Variants in HPCAL1 observed in about 807,000 individuals in gnomAD.
The protein encoded by HPCAL1 is hippocalcin like 1.
In HPCAL1, 8 loss-of-function variants were observed where a neutral mutation model predicts 17.1. The ratio of observed to expected loss-of-function variants is 0.47; its 90% CI spans 0.27 to 0.84. The LOEUF (loss-of-function observed/expected upper bound fraction) is 0.84, where lower values mean the gene tolerates loss of function less well. Ranked by LOEUF, HPCAL1 falls within the 40% of genes least tolerant of loss-of-function variation. The probability of loss-of-function intolerance (pLI) is 0.13; values close to 1 mark genes in which losing one functional copy is unlikely to be tolerated. For synonymous variants in HPCAL1, 112 were observed against 111.4 expected (o/e 1.01, Z -0.03); for missense variants, 165 against 271.1 (o/e 0.61, Z 2.75).
chr2:10,387,606 G>A (rs1022831123), intron 1 of HPCAL1, among the ~76,000 whole-genome samples: 1 of 152,186 alleles, frequency 6.6e-6, no homozygotes, highest in Non-Finnish European at 1.5e-5. Context: ...GTATCATTAC[G>A]AACACAACTT....
intron 3 of HPCAL1, among the ~76,000 whole-genome samples, chr2:10,422,190 G>A (rs936082540): frequency 1.2e-4 from 18 of 152,184 alleles, no homozygotes; most frequent in Admixed American, 4.6e-4. Flanking sequence ...TGGCTCCCTG[G>A]CCGGCTGGGT....
intron 2 of HPCAL1, among the ~76,000 whole-genome samples, chr2:10,409,826 G>A (rs532187760): frequency 4.4e-5 from 5 of 112,578 alleles, no homozygotes; most frequent in Admixed American, 4.1e-4. Flanking sequence ...GTCTCGCTCT[G>A]TTGCCCAGGC....
intron 1 of HPCAL1, among the ~76,000 whole-genome samples, chr2:10,358,450 C>T (rs1666317194): frequency 1.3e-5 from 2 of 152,218 alleles, no homozygotes; most frequent in African/African-American, 4.8e-5. Context: ...AGGACAGACA[C>T]TCCTGCCTTT....
rs1339193237 is a variant in HPCAL1, at chr2:10,360,304, C to T, written c.-110-36531C>T. Among the ~76,000 whole-genome samples, 12 of 152,310 alleles carry T rather than the reference C, an allele frequency of 7.9e-5. No homozygotes were observed. The South Asian group carries it at 1.0e-3, about 13-fold the overall frequency. On this transcript the variant is annotated intron_variant, in intron 1 of 4. Transcript: ENST00000307845. ...GGGCCTTGGAGAGTCCCTGAGGTCC[C>T]GTTTCATGGGAGACTTCTCTCACAA...
At chr2:10,307,193 G>A (rs191696981) in intron 1 of HPCAL1, among the ~76,000 whole-genome samples, 4 of 152,296 alleles carry the variant, frequency 2.6e-5, no homozygotes, top group Non-Finnish European at 4.4e-5. Flanking sequence ...TGTTAAATAC[G>A]TACTGCATGG....
rs1406040800 is a variant in HPCAL1, at chr2:10,330,452, T to C, written c.-111+27275T>C. Among the ~76,000 whole-genome samples the C allele has an allele frequency of 6.6e-6, 1 of 151,922 alleles. No homozygotes were observed. The highest frequency in any genetic ancestry group is 1.9e-4 in the East Asian group (1 of 5,192). On this transcript the variant is annotated intron_variant, in intron 1 of 4. Transcript: ENST00000307845. This position sits in a 1 kb window ranked among gnomAD's most constrained non-coding sequence, Gnocchi z 4.2. ...CTGGCTGCTGGAAACGGGGTCATAGTCTGGGTGCCTTAAACAACAGGAATT... is the reference window on the plus strand; with the variant it reads ...CTGGCTGCTGGAAACGGGGTCATAGCCTGGGTGCCTTAAACAACAGGAATT...
chr2:10,410,123 C>T (rs1434691366), intron 2 of HPCAL1, among the ~76,000 whole-genome samples: 1 of 152,126 alleles, frequency 6.6e-6, no homozygotes, highest in Admixed American at 6.5e-5. Flanking sequence ...TGGTGTTTCC[C>T]ACCTCTCTGG....
intron 1 of HPCAL1, among the ~76,000 whole-genome samples, chr2:10,311,134 C>T (rs1184575845): frequency 6.6e-6 from 1 of 152,200 alleles, no homozygotes; most frequent in African/African-American, 2.4e-5. Context: ...TGAGATAGGG[C>T]CATGGGTGGC....
chr2:10,407,059 C>A (rs1670020450), intron 2 of HPCAL1, among the ~76,000 whole-genome samples: 1 of 152,156 alleles, frequency 6.6e-6, no homozygotes, highest in Non-Finnish European at 1.5e-5. Context: ...AATGATCTCA[C>A]TGGAGAGTAG....
chr2:10,416,481 CA>C (rs1362294958), intron 2 of HPCAL1, among the ~76,000 whole-genome samples: 2 of 152,200 alleles, frequency 1.3e-5, no homozygotes, highest in Non-Finnish European at 2.9e-5. Context: ...CCCACATCTC[CA>C]AGCCAGGTCC....
intron 2 of HPCAL1, among the ~76,000 whole-genome samples, chr2:10,404,929 C>G (rs1028784548): frequency 3.9e-5 from 6 of 152,164 alleles, no homozygotes. Context: ...CCGCAGCCCC[C>G]ACCTCCCGCC....
At chr2:10,324,505 C>T (rs954074803) in intron 1 of HPCAL1, 16 of 152,220 alleles carry the variant, frequency 1.1e-4, no homozygotes, top group African/African-American at 3.9e-4. Flanking sequence ...CATTGCACAG[C>T]TGTGAGTATA....
chr2:10,349,185 C>G (rs1028343295), intron 1 of HPCAL1, among the ~76,000 whole-genome samples: 2 of 152,076 alleles, frequency 1.3e-5, no homozygotes, highest in African/African-American at 4.8e-5. Flanking sequence ...TCTGAATCTT[C>G]AAAAATAAAT....
At chr2:10,341,069 G>A (rs1275193457) in intron 1 of HPCAL1, among the ~76,000 whole-genome samples, 2 of 152,118 alleles carry the variant, frequency 1.3e-5, no homozygotes, top group Admixed American at 6.5e-5. Context: ...CTGGAGGCAG[G>A]TTTTCTGTGG....
At chr2:10,372,201 C>T (rs1341126748) in intron 1 of HPCAL1, among the ~76,000 whole-genome samples, 1 of 152,138 alleles carries the variant, frequency 6.6e-6, no homozygotes, top group African/African-American at 2.4e-5. Context: ...TCAGAAAAAT[C>T]GCATCTCCAG....
At chr2:10,356,228 C>T (rs927387840) in intron 1 of HPCAL1, among the ~76,000 whole-genome samples, 5 of 152,176 alleles carry the variant, frequency 3.3e-5, no homozygotes, top group South Asian at 4.1e-4. Context: ...GCTACTAAAC[C>T]TCCCGCTCGC....
chr2:10,412,350 C>T (rs140457011), intron 2 of HPCAL1, among the ~76,000 whole-genome samples: 5 of 152,318 alleles, frequency 3.3e-5, no homozygotes, highest in African/African-American at 9.6e-5. Flanking sequence ...GAAATGGGCA[C>T]ACCAGTCATT....
rs74964966 is a variant in HPCAL1 at position 10,330,411 on chromosome 2, G to A, written c.-111+27234G>A. 0.031 allele frequency among the ~76,000 whole-genome samples: 4,711 copies of A among 152,286 alleles called. 116 individuals are homozygous for A. Among genetic ancestry groups the A allele is most frequent in the Admixed American group, 0.044 (669 of 15,304 alleles). On this transcript the variant is annotated intron_variant, in intron 1 of 4. Coordinates refer to ENST00000307845, the MANE Select transcript of HPCAL1 (RefSeq NM_002149.4). This position sits in a 1 kb window ranked among gnomAD's most constrained non-coding sequence, Gnocchi z 4.2. Reference sequence around the variant, plus strand: ...AAGCCCTGAGTCGTCTAACCTTCCCGGTGTATTAGTCAGCTCTGGCTGCTG... The same window carrying A: ...AAGCCCTGAGTCGTCTAACCTTCCCAGTGTATTAGTCAGCTCTGGCTGCTG...
chr2:10,361,771 C>T (rs957785300), intron 1 of HPCAL1, among the ~76,000 whole-genome samples: 2 of 150,060 alleles, frequency 1.3e-5, no homozygotes, highest in Non-Finnish European at 2.9e-5. Flanking sequence ...GGATGGAGTG[C>T]AGTGGCATGA....
Sources: gnomAD v4.1 joint callset for allele counts (sites outside exome capture counted in the v4.1 genomes callset) on GRCh38, gnomAD v4.1.1 for gene constraint, Gnocchi (gnomAD v3.1) non-coding constraint, MANE v1.5 for transcripts, NCBI Gene and HGNC (gene_info 2026-07-23, HGNC 2026-07-21) for gene names.